Variants in JAKMIP2 observed in about 807,000 individuals in gnomAD.
The protein encoded by JAKMIP2 is janus kinase and microtubule interacting protein 2.
Under a neutral mutation model 115.0 loss-of-function variants are expected in JAKMIP2, and 25 were observed. The ratio of observed to expected loss-of-function variants is 0.22; its 90% CI spans 0.16 to 0.30. The LOEUF (loss-of-function observed/expected upper bound fraction) is 0.30, where lower values mean the gene tolerates loss of function less well. Ranked by LOEUF, JAKMIP2 falls within the 10% of genes least tolerant of loss-of-function variation. The pLI is 1.00. For missense variants in JAKMIP2, 642 were observed against 957.6 expected (o/e 0.67, Z 4.35); for synonymous variants, 334 against 343.6 (o/e 0.97, Z 0.31).
At chr5:147,684,265 C>CA (rs2126841606) in intron 1 of JAKMIP2, among the ~76,000 whole-genome samples, 1 of 150,546 alleles carries the variant, frequency 6.6e-6, no homozygotes, top group African/African-American at 2.4e-5. Flanking sequence ...ATGTATCTAC[C>CA]AAAAAAGCCT....
At chr5:147,651,959 T>C (rs186112407) in intron 3 of JAKMIP2, among the ~76,000 whole-genome samples, 19 of 152,340 alleles carry the variant, frequency 1.2e-4, no homozygotes, top group African/African-American at 4.6e-4. Context: ...TAGCTCTAGT[T>C]ACTTTTCATG....
chr5:147,669,469 A>T (rs1206213168), intron 2 of JAKMIP2, among the ~76,000 whole-genome samples: 4 of 152,184 alleles, frequency 2.6e-5, no homozygotes, highest in Non-Finnish European at 5.9e-5. Context: ...GCCTGGTTCA[A>T]ACTTGAGAGT....
chr5:147,727,795 T>C (rs528669243), intron 1 of JAKMIP2, among the ~76,000 whole-genome samples: 11 of 152,346 alleles, frequency 7.2e-5, no homozygotes, highest in African/African-American at 2.6e-4. Flanking sequence ...TATGTTTTAT[T>C]CTCTTCTTGG....
At chr5:147,737,623 A>T (rs979151265) in intron 1 of JAKMIP2, among the ~76,000 whole-genome samples, 1 of 152,302 alleles carries the variant, frequency 6.6e-6, no homozygotes, top group East Asian at 1.9e-4. Flanking sequence ...AGAATTCTAG[A>T]TTGATTAAGT....
chr5:147,619,091 T>A (rs1242751539), intron 18 of JAKMIP2, among the ~76,000 whole-genome samples: 1 of 152,194 alleles, frequency 6.6e-6, no homozygotes, highest in Non-Finnish European at 1.5e-5. Context: ...TTTCTTTCTT[T>A]TTTTGATATG....
intron 3 of JAKMIP2, among the ~76,000 whole-genome samples, chr5:147,652,079 A>C (rs1030802111): frequency 6.6e-6 from 1 of 152,136 alleles, no homozygotes; most frequent in Non-Finnish European, 1.5e-5. Context: ...TCACAGCTGA[A>C]ATTTATTGAT....
chr5:147,686,635 T>A (rs1002528576), intron 1 of JAKMIP2, among the ~76,000 whole-genome samples: 1 of 152,038 alleles, frequency 6.6e-6, no homozygotes, highest in African/African-American at 2.4e-5. Context: ...TTGGCAAGAG[T>A]AAAGAATTCC....
At chr5:147,599,731 C>T (rs1210787372) in intron 21 of JAKMIP2, among the ~76,000 whole-genome samples, 5 of 152,086 alleles carry the variant, frequency 3.3e-5, no homozygotes, top group Non-Finnish European at 5.9e-5. Flanking sequence ...GGGAGAAAGG[C>T]CCTTTTTTAC....
intron 1 of JAKMIP2, among the ~76,000 whole-genome samples, chr5:147,707,095 T>A (rs1199258219): frequency 1.3e-5 from 2 of 152,120 alleles, no homozygotes; most frequent in Non-Finnish European, 2.9e-5. Context: ...ATTAAATAAT[T>A]CTAGGTACTG....
intron 18 of JAKMIP2, 35 bp from the exon 19 acceptor site, chr5:147,618,149 A>T (rs765920566): frequency 6.6e-7 from 1 of 1,519,716 alleles, no homozygotes; most frequent in African/African-American, 1.4e-5. Flanking sequence ...TAACTTTGGA[A>T]CTTGGCATTG....
At chr5:147,771,629 G>A (rs867518583) in intron 1 of JAKMIP2, among the ~76,000 whole-genome samples, 8 of 152,046 alleles carry the variant, frequency 5.3e-5, no homozygotes, top group East Asian at 1.9e-4. Flanking sequence ...TCTCATCACC[G>A]TATGCATTCA....
At chr5:147,619,368 T>C (rs528985713) in intron 18 of JAKMIP2, among the ~76,000 whole-genome samples, 1 of 144,170 alleles carries the variant, frequency 6.9e-6, no homozygotes, top group South Asian at 2.1e-4. Context: ...TGTCTCTAAT[T>C]AGCATCAAAT....
At chr5:147,698,944 A>T (rs1446202051) in intron 1 of JAKMIP2, among the ~76,000 whole-genome samples, 1 of 152,188 alleles carries the variant, frequency 6.6e-6, no homozygotes, top group Non-Finnish European at 1.5e-5. Flanking sequence ...CAGCTCTGAA[A>T]GGCTCTTCAC....
intron 1 of JAKMIP2, among the ~76,000 whole-genome samples, chr5:147,732,242 G>A (rs971468192): frequency 6.6e-6 from 1 of 152,124 alleles, no homozygotes; most frequent in Non-Finnish European, 1.5e-5. Flanking sequence ...AATAGACTCT[G>A]TATAAAGCTT....
Position 147,715,401 on chromosome 5 carries a change from C to G in JAKMIP2, c.-148-43447G>C, listed in dbSNP as rs10037768. On this transcript the variant is annotated intron_variant, in intron 1 of 21. Transcript: ENST00000616793. The stretch of plus-strand genomic sequence containing the variant: ...AATAACCAAACAGAAATCCAAAATT[C>G]TATGTTCCCTAAAGAGTCTTTCTAT... 1.7e-3 allele frequency among the ~76,000 whole-genome samples: 254 copies of G among 151,090 alleles called. 3 individuals carry two copies. The highest frequency in any genetic ancestry group is 2.7e-4 in the Non-Finnish European group (18 of 67,744).
intron 1 of JAKMIP2, among the ~76,000 whole-genome samples, chr5:147,702,657 A>AG (rs1491358339): frequency 1.8e-4 from 22 of 119,940 alleles, no homozygotes; most frequent in Non-Finnish European, 2.6e-4. Flanking sequence ...AGAAAGAAAG[A>AG]AAGAAAGAGA....
rs554243902 is a variant in JAKMIP2, at chr5:147,590,512, T to C, written c.*1195A>G. ...TTGCTGTCATCTGTCTGGGAAAAAA[T>C]GTTATCACTCTAAACAAGAAGAGGT... On this transcript the variant is annotated 3_prime_UTR_variant, in exon 22 of 22. Transcript: ENST00000616793. 6.6e-6 allele frequency: 1 copy of C among 152,230 alleles called. No homozygotes were observed. Among genetic ancestry groups the C allele is most frequent in the South Asian group, 2.1e-4 (1 of 4,810 alleles). The allele number at this position is 152,230 out of a possible 1,614,324, so 9.4% of individuals were successfully genotyped here. A position where few individuals can be genotyped will look rare whatever the true frequency, so the allele number is the denominator to read the frequency against.
chr5:147,763,556 C>G (rs1409955541), intron 1 of JAKMIP2, among the ~76,000 whole-genome samples: 1 of 152,068 alleles, frequency 6.6e-6, no homozygotes, highest in East Asian at 1.9e-4. Flanking sequence ...GGAATCATTG[C>G]TTCTTCTTCT....
intron 1 of JAKMIP2, among the ~76,000 whole-genome samples, chr5:147,729,917 G>C (rs991266503): frequency 2.6e-5 from 4 of 152,182 alleles, no homozygotes; most frequent in Non-Finnish European, 4.4e-5. Flanking sequence ...AGCTCAGCCT[G>C]GTTTGAAATA....
Sources: gnomAD v4.1 joint callset for allele counts (sites outside exome capture counted in the v4.1 genomes callset) on GRCh38, gnomAD v4.1.1 for gene constraint, MANE v1.5 for transcripts, NCBI Gene and HGNC (gene_info 2026-07-23, HGNC 2026-07-21) for gene names.